The following PTPRD variants were observed in gnomAD, a reference collection of about 807,000 sequenced individuals.
PTPRD encodes the protein protein tyrosine phosphatase receptor type D.
In PTPRD, 34 loss-of-function variants were observed where a neutral mutation model predicts 214.5. The ratio of observed to expected loss-of-function variants is 0.16; its 90% CI spans 0.12 to 0.21. The LOEUF is 0.21. Among genes scored for constraint, PTPRD ranks in the 10% least tolerant of loss-of-function variants. The pLI, the probability that PTPRD is intolerant of heterozygous loss-of-function variation, is 1.00. For missense variants in PTPRD, 2,545 were observed against 2,398.7 expected, an observed-to-expected ratio of 1.06 and a Z score of -1.27; for synonymous variants, 1,128 against 845.7, an observed-to-expected ratio of 1.33 and a Z score of -5.79.
At chr9:9,685,005 T>C (rs2097142780) in intron 7 of PTPRD, among the ~76,000 whole-genome samples, 1 of 151,572 alleles carries the variant, frequency 6.6e-6, no homozygotes, top group African/African-American at 2.4e-5. Context: ...CCCATGTCCT[T>C]AGAACACAGT....
At chr9:10,487,786 T>A (rs961152231) in intron 2 of PTPRD, among the ~76,000 whole-genome samples, 1 of 151,558 alleles carries the variant, frequency 6.6e-6, no homozygotes, top group African/African-American at 2.4e-5. Flanking sequence ...CCTATGTATG[T>A]AACAAACCTG....
chr9:8,353,872 A>ATGTATATATG (rs1290576579), intron 39 of PTPRD, among the ~76,000 whole-genome samples: 2 of 145,868 alleles, frequency 1.4e-5, no homozygotes, highest in Non-Finnish European at 1.5e-5. Flanking sequence ...ATATGTATAT[A>ATGTATATATG]TGTATATATG....
intron 8 of PTPRD, among the ~76,000 whole-genome samples, chr9:9,473,816 CT>C (rs71319224): frequency 0.12 from 17,457 of 143,810 alleles, 1,213 homozygotes; most frequent in African/African-American, 0.2. Context: ...GTTTTAAAAT[CT>C]TTTTTTTTTT....
At chr9:9,667,695 A>G (rs1438541254) in intron 7 of PTPRD, among the ~76,000 whole-genome samples, 1 of 152,130 alleles carries the variant, frequency 6.6e-6, no homozygotes, top group African/African-American at 2.4e-5. Flanking sequence ...CATACTGCTG[A>G]ATGTTTAGAG....
chr9:10,048,514 G>A (rs1031385181), intron 3 of PTPRD, among the ~76,000 whole-genome samples: 12 of 151,746 alleles, frequency 7.9e-5, no homozygotes, highest in Non-Finnish European at 1.5e-4. Context: ...ATTCATTTTG[G>A]TTTCCAGTTT....
Position 9,239,373 on chromosome 9 carries a change from A to G in PTPRD, c.-202-56010T>C, listed in dbSNP as rs191877882. Among the ~76,000 whole-genome samples the G allele has an allele frequency of 1.1e-4, 17 of 152,206 alleles. No individual in the cohort carries two copies. In the East Asian group the frequency reaches 2.7e-3, roughly 24 times the overall value. On this transcript the variant is annotated intron_variant, in intron 9 of 45. Coordinates refer to ENST00000381196, the MANE Select transcript of PTPRD (RefSeq NM_002839.4). ...TGTCAGCATCAAATATAATACAAAC[A>G]TTTTTGCCTGGGATTGCTGGTTAGA...
At chr9:10,262,933 C>A (rs903589130) in intron 3 of PTPRD, among the ~76,000 whole-genome samples, 2 of 152,084 alleles carry the variant, frequency 1.3e-5, no homozygotes, top group African/African-American at 4.8e-5. Flanking sequence ...ATAAAGGGGG[C>A]AGTTTCCCAC....
At chr9:8,458,722 AT>A (rs2096286877) in intron 33 of PTPRD, among the ~76,000 whole-genome samples, 1 of 152,038 alleles carries the variant, frequency 6.6e-6, no homozygotes, top group African/African-American at 2.4e-5. Context: ...TATCTCTTAC[AT>A]GGAGAGAGGT....
intron 4 of PTPRD, among the ~76,000 whole-genome samples, chr9:9,954,840 A>G (rs1175089448): frequency 1.3e-5 from 2 of 152,178 alleles, no homozygotes; most frequent in Non-Finnish European, 2.9e-5. Context: ...AAATGGCTAT[A>G]TTGATTAGCT....
intron 8 of PTPRD, among the ~76,000 whole-genome samples, chr9:9,457,589 G>T (rs566338662): frequency 3.3e-5 from 5 of 152,000 alleles, no homozygotes; most frequent in African/African-American, 1.2e-4. Flanking sequence ...GGCTCCATTT[G>T]TTCTTTTCTT....
intron 2 of PTPRD, among the ~76,000 whole-genome samples, chr9:10,414,536 C>T (rs1291754896): frequency 2.0e-5 from 3 of 151,902 alleles, no homozygotes; most frequent in Non-Finnish European, 4.4e-5. Flanking sequence ...GTGGCAATTC[C>T]TCCAAGAGCT....
At chr9:9,674,816 G>T (rs1210686094) in intron 7 of PTPRD, among the ~76,000 whole-genome samples, 1 of 151,794 alleles carries the variant, frequency 6.6e-6, no homozygotes, top group Non-Finnish European at 1.5e-5. Flanking sequence ...TAAAGTAAAA[G>T]CATTCTTTAT....
At chr9:8,584,526 T>TG (rs2093475111) in intron 14 of PTPRD, among the ~76,000 whole-genome samples, 1 of 152,226 alleles carries the variant, frequency 6.6e-6, no homozygotes, top group Non-Finnish European at 1.5e-5. Context: ...TGTGGCATTC[T>TG]GGTATTCAGC....
intron 5 of PTPRD, among the ~76,000 whole-genome samples, chr9:9,937,390 T>G (rs1166350345): frequency 2.6e-5 from 4 of 151,242 alleles, no homozygotes; most frequent in African/African-American, 9.7e-5. Flanking sequence ...GAAGTATTTT[T>G]TCTCAAGCAT....
chr9:9,587,543 A>C (rs1034738587), intron 7 of PTPRD, among the ~76,000 whole-genome samples: 1 of 141,554 alleles, frequency 7.1e-6, no homozygotes, highest in African/African-American at 2.5e-5. Flanking sequence ...CAGCCCAAAA[A>C]AGACCAGTTT....
intron 3 of PTPRD, among the ~76,000 whole-genome samples, chr9:10,199,003 T>A (rs2099408899): frequency 6.6e-6 from 1 of 152,068 alleles, no homozygotes; most frequent in Admixed American, 6.6e-5. Flanking sequence ...CAATCCCTTA[T>A]GTTGGCATAA....
intron 9 of PTPRD, among the ~76,000 whole-genome samples, chr9:9,312,928 T>C (rs1959855028): frequency 6.6e-6 from 1 of 152,202 alleles, no homozygotes; most frequent in African/African-American, 2.4e-5. Flanking sequence ...TGCAAACATG[T>C]ATTCCTTGAT....
At chr9:8,979,355 C>G (rs534963835) in intron 11 of PTPRD, among the ~76,000 whole-genome samples, 33 of 152,032 alleles carry the variant, frequency 2.2e-4, no homozygotes, top group African/African-American at 7.7e-4. Flanking sequence ...GATATCACAC[C>G]AAAGGCTCAG....
chr9:9,809,573 G>A (rs1015403439), intron 5 of PTPRD, among the ~76,000 whole-genome samples: 2 of 152,074 alleles, frequency 1.3e-5, no homozygotes, highest in Admixed American at 6.6e-5. Context: ...AGGATCAAGT[G>A]ATTTTACAAT....
Sources: gnomAD v4.1 joint callset for allele counts (sites outside exome capture counted in the v4.1 genomes callset) on GRCh38, gnomAD v4.1.1 for gene constraint, MANE v1.5 for transcripts, NCBI Gene and HGNC (gene_info 2026-07-23, HGNC 2026-07-21) for gene names.